Variants in SRFBP1 observed in about 807,000 individuals in gnomAD.
SRFBP1 encodes serum response factor binding protein 1, also known as serum response factor-binding protein 1.
Under a neutral mutation model 45.5 loss-of-function variants are expected in SRFBP1, and 47 were observed. That is an observed-to-expected ratio of 1.03 (90% CI 0.82 to 1.32). The LOEUF (loss-of-function observed/expected upper bound fraction) is 1.32, where lower values mean the gene tolerates loss of function less well. Ranked by LOEUF, SRFBP1 falls within the 40% of genes most tolerant of loss-of-function variation. The pLI, the probability that SRFBP1 is intolerant of heterozygous loss-of-function variation, is 0.00. For missense variants in SRFBP1, 621 were observed against 484.6 expected (o/e 1.28, Z -2.64); for synonymous variants, 203 against 166.3 (o/e 1.22, Z -1.70).
chr5:121,975,509 C>A, intron 3 of SRFBP1, 122 bp downstream of exon 3: 1 of 1,045,566 alleles, frequency 9.6e-7, no homozygotes, highest in Non-Finnish European at 1.4e-6. Flanking sequence ...CATCTTGTAT[C>A]AGTCTGTTTG....
chr5:121,963,655 A>G (rs1751997858), intron 1 of SRFBP1, among the ~76,000 whole-genome samples: 1 of 152,176 alleles, frequency 6.6e-6, no homozygotes, highest in African/African-American at 2.4e-5. Flanking sequence ...CTCCTCTGGA[A>G]ACACTTATGT....
chr5:121,988,565 C>G (rs1470703012), intron 3 of SRFBP1, among the ~76,000 whole-genome samples: 1 of 152,198 alleles, frequency 6.6e-6, no homozygotes, highest in Non-Finnish European at 1.5e-5. Context: ...GTGTTGTCAA[C>G]CAGGAAAGCT....
intron 2 of SRFBP1, among the ~76,000 whole-genome samples, chr5:122,049,599 A>T (rs1382636000): frequency 6.6e-6 from 1 of 151,680 alleles, no homozygotes; most frequent in African/African-American, 2.4e-5. Context: ...CCCCGCACTT[A>T]TACCAATATT....
chr5:121,990,838 G>A (rs1379290347), intron 3 of SRFBP1, among the ~76,000 whole-genome samples: 2 of 152,116 alleles, frequency 1.3e-5, no homozygotes, highest in African/African-American at 4.8e-5. Context: ...GCCTGACCAC[G>A]TTCTCACTTG....
chr5:121,970,327 A>C (rs1425670836), intron 1 of SRFBP1, among the ~76,000 whole-genome samples: 1 of 152,106 alleles, frequency 6.6e-6, no homozygotes, highest in Non-Finnish European at 1.5e-5. Flanking sequence ...CCAAGGACCA[A>C]CTCTACCCAC....
rs1753500868 is a variant in SRFBP1, at chr5:122,027,186, G to T, written c.*60G>T. ...AAAAAAAATGTTTTTTTTAAGACAG[G>T]ATCTCATTCTGTTGCCCAGACTAGA... is the stretch of plus-strand genomic sequence containing the variant. On this transcript the variant is annotated 3_prime_UTR_variant, in exon 8 of 8. Coordinates refer to ENST00000339397, the MANE Select transcript of SRFBP1 (RefSeq NM_152546.3). The T allele has an allele frequency of 7.3e-7, 1 of 1,362,392 alleles. No individual in the cohort carries two copies. The highest frequency in any genetic ancestry group is 1.0e-6 in the Non-Finnish European group (1 of 990,264). 84.4% of individuals were successfully genotyped at this position (1,362,392 alleles called of 1,614,324 possible).
chr5:122,050,963 T>C (rs1467252492), intron 2 of SRFBP1, among the ~76,000 whole-genome samples: 1 of 152,200 alleles, frequency 6.6e-6, no homozygotes, highest in Non-Finnish European at 1.5e-5. Flanking sequence ...TTCGTTCAAA[T>C]TAGTTTCTAA....
intron 4 of SRFBP1, among the ~76,000 whole-genome samples, chr5:121,997,378 G>C (rs1042019716): frequency 5.9e-5 from 9 of 151,436 alleles, no homozygotes; most frequent in Middle Eastern, 3.4e-3. Flanking sequence ...ATAACTGTCT[G>C]ATCTTTGACA....
chr5:122,024,107 G>C (rs920444497), intron 7 of SRFBP1, among the ~76,000 whole-genome samples: 4 of 152,120 alleles, frequency 2.6e-5, no homozygotes, highest in Non-Finnish European at 5.9e-5. Flanking sequence ...CAAATATCTA[G>C]ATTCTTTTGT....
intron 2 of SRFBP1, among the ~76,000 whole-genome samples, chr5:122,034,355 T>G (rs1238041166): frequency 6.6e-6 from 1 of 152,212 alleles, no homozygotes; most frequent in Non-Finnish European, 1.5e-5. Flanking sequence ...TACTGTGCTC[T>G]TCTTTAAAAA....
At chr5:122,066,553 C>A in intron 2 of SRFBP1, 2 of 486,524 alleles carry the variant, frequency 4.1e-6, no homozygotes, top group Non-Finnish European at 7.5e-6. Context: ...AAAAATTTCC[C>A]AAGTAATGAT....
intron 2 of SRFBP1, among the ~76,000 whole-genome samples, chr5:122,036,118 T>G (rs111608686): frequency 0.017 from 2,602 of 152,348 alleles, 65 homozygotes; most frequent in African/African-American, 0.058. Flanking sequence ...TCTTGCAGAC[T>G]GGTTCTTGGT....
intron 4 of SRFBP1, among the ~76,000 whole-genome samples, chr5:122,011,230 C>T (rs1753086850): frequency 6.6e-6 from 1 of 152,006 alleles, no homozygotes; most frequent in Admixed American, 6.6e-5. Flanking sequence ...TGAGATACAT[C>T]CAAATGCTTT....
Position 121,966,500 on chromosome 5 carries a change from T to G in SRFBP1, c.36+4432T>G, listed in dbSNP as rs190265766. On this transcript the variant is annotated intron_variant, in intron 1 of 7. Coordinates refer to ENST00000339397, the MANE Select transcript of SRFBP1 (RefSeq NM_152546.3). ...GCATAACTGTCAACTAATGTTCAAA[T>G]GAGAGGGAAAATCTCCTAAATGCTT... Among the ~76,000 whole-genome samples the G allele has an allele frequency of 2.0e-3, 306 of 152,308 alleles. 1 individual carries two copies. The highest frequency in any genetic ancestry group is 7.1e-3 in the African/African-American group (294 of 41,564).
chr5:122,022,046 A>C (rs1204377999), intron 6 of SRFBP1, among the ~76,000 whole-genome samples: 2 of 152,040 alleles, frequency 1.3e-5, no homozygotes, highest in Non-Finnish European at 2.9e-5. Flanking sequence ...CTGTGAAAAG[A>C]CTTTAGAAAT....
chr5:122,053,454 G>C (rs148066115), intron 2 of SRFBP1, among the ~76,000 whole-genome samples: 5 of 152,278 alleles, frequency 3.3e-5, no homozygotes, highest in African/African-American at 4.8e-5. Context: ...ACAACAGGAA[G>C]CTGCACCCTC....
Position 122,014,099 on chromosome 5 carries a change from T to G in SRFBP1, c.271-5161T>G, listed in dbSNP as rs534909505. Among the ~76,000 whole-genome samples, 71 of 152,330 alleles carry G rather than the reference T, an allele frequency of 4.7e-4. No individual in the cohort carries two copies. In the South Asian group the frequency reaches 0.015, roughly 32 times the overall value. On this transcript the variant is annotated intron_variant, in intron 4 of 7. Coordinates refer to ENST00000339397, the MANE Select transcript of SRFBP1 (RefSeq NM_152546.3). Reference sequence around the variant, plus strand: ...AGATATGGTAATTACTCTGATTTGATGATTCTACAATGTATGCATGTGTCA... The same window carrying G: ...AGATATGGTAATTACTCTGATTTGAGGATTCTACAATGTATGCATGTGTCA...
downstream of SRFBP1, among the ~76,000 whole-genome samples, chr5:122,030,058 C>T (rs773763638): frequency 6.6e-6 from 1 of 152,152 alleles, no homozygotes; most frequent in Non-Finnish European, 1.5e-5. Context: ...AAACAGAAGC[C>T]TACTAGCCAA....
At chr5:122,070,253 A>G (rs1198983014) in intron 2 of SRFBP1, 1 of 814,138 alleles carries the variant, frequency 1.2e-6, no homozygotes, top group East Asian at 2.4e-5. Context: ...AGCTAAATCA[A>G]GCAGGGAAGG....
Sources: gnomAD v4.1 joint callset for allele counts (sites outside exome capture counted in the v4.1 genomes callset) on GRCh38, gnomAD v4.1.1 for gene constraint, MANE v1.5 for transcripts, NCBI Gene and HGNC (gene_info 2026-07-23, HGNC 2026-07-21) for gene names.